KIF16B: variants seen among roughly 807,000 people sequenced by gnomAD.
KIF16B encodes the protein kinesin-like protein KIF16B.
A neutral mutation model predicts 156.3 loss-of-function variants in KIF16B; 98 were observed. The ratio of observed to expected loss-of-function variants is 0.63; its 90% CI spans 0.53 to 0.74. KIF16B has a LOEUF of 0.74. KIF16B is among the 30% of genes least tolerant of loss of function. KIF16B has a pLI of 0.00. For synonymous variants in KIF16B, 564 were observed against 583.7 expected (o/e 0.97, Z 0.49); for missense variants, 1,421 against 1,606.5 (o/e 0.88, Z 1.97).
chr20:16,434,220 T>C (rs772046943), intron 12 of KIF16B, among the ~76,000 whole-genome samples: 8 of 152,214 alleles, frequency 5.3e-5, no homozygotes, highest in Non-Finnish European at 5.9e-5. Context: ...TTAAAACACA[T>C]GCCCTTTGCT....
At position 16,326,682 on chromosome 20, in the gene KIF16B, G is replaced by A. The variant is rs548085520; in HGVS notation, c.3711+9244C>T. ...AAAATCAAAAAAATAAAAGATGTTG[G>A]CATGGATGTGGTAAAAAGGGAACAC... On this transcript the variant is annotated intron_variant, in intron 24 of 25. Coordinates refer to ENST00000354981, the MANE Select transcript of KIF16B (RefSeq NM_024704.5). 1.9e-4 allele frequency among the ~76,000 whole-genome samples: 29 copies of A among 152,078 alleles called. No homozygotes were observed. The South Asian group carries it at 6.0e-3, about 32-fold the overall frequency.
chr20:16,279,147 C>G, intron 25 of KIF16B, among the ~76,000 whole-genome samples: 1 of 152,070 alleles, frequency 6.6e-6, no homozygotes, highest in East Asian at 1.9e-4. Flanking sequence ...CAGCCCAATC[C>G]CCTTCTGAAG....
chr20:16,320,932 T>C (rs1411757069), intron 24 of KIF16B, among the ~76,000 whole-genome samples: 1 of 152,194 alleles, frequency 6.6e-6, no homozygotes, highest in Non-Finnish European at 1.5e-5. Flanking sequence ...CAATATATCA[T>C]GTGGTGAAGA....
chr20:16,504,326 G>T (rs950775871), intron 10 of KIF16B, 46 bp downstream of exon 10: 4 of 1,566,200 alleles, frequency 2.6e-6, no homozygotes, highest in East Asian at 2.2e-5. Flanking sequence ...AGAAATAGAT[G>T]CCATTACTCA....
intron 24 of KIF16B, among the ~76,000 whole-genome samples, chr20:16,317,249 T>G (rs2063711158): frequency 6.6e-6 from 1 of 152,200 alleles, no homozygotes; most frequent in Non-Finnish European, 1.5e-5. Context: ...TGAATGACAA[T>G]CTGTAGGTGG....
chr20:16,304,189 G>A (rs188701827), intron 25 of KIF16B, among the ~76,000 whole-genome samples: 1 of 152,288 alleles, frequency 6.6e-6, no homozygotes, highest in East Asian at 1.9e-4. Context: ...TATTATTCTT[G>A]AGAATAGTTG....
intron 12 of KIF16B, among the ~76,000 whole-genome samples, chr20:16,493,119 GGAGAA>G (rs2068346773): frequency 6.6e-6 from 1 of 152,144 alleles, no homozygotes; most frequent in South Asian, 2.1e-4. Flanking sequence ...ATTGTAATCA[GGAGAA>G]GAGAAAAGTC....
chr20:16,571,439 A>G (rs2071447112), intron 1 of KIF16B, among the ~76,000 whole-genome samples: 2 of 152,050 alleles, frequency 1.3e-5, no homozygotes, highest in Admixed American at 1.3e-4. Context: ...CCATCCCTCC[A>G]TGTACCTGGG....
intron 25 of KIF16B, among the ~76,000 whole-genome samples, chr20:16,310,481 T>C (rs1261669669): frequency 1.3e-5 from 2 of 152,224 alleles, no homozygotes; most frequent in Non-Finnish European, 2.9e-5. Context: ...CAATCTGTCA[T>C]GGCACAGCTG....
intron 15 of KIF16B, among the ~76,000 whole-genome samples, chr20:16,416,807 T>A (rs2066101616): frequency 6.6e-6 from 1 of 151,512 alleles, no homozygotes; most frequent in Admixed American, 6.6e-5. Context: ...GAATTTACCA[T>A]TTTTTGCCTG....
chr20:16,469,170 T>C (rs1006142501), intron 12 of KIF16B, among the ~76,000 whole-genome samples: 1 of 149,994 alleles, frequency 6.7e-6, no homozygotes, highest in Non-Finnish European at 1.5e-5. Flanking sequence ...GAGGACTGCT[T>C]GAGCCCAGGA....
intron 15 of KIF16B, among the ~76,000 whole-genome samples, chr20:16,410,299 A>ATGTG (rs35361828): frequency 2.1e-4 from 29 of 141,440 alleles, no homozygotes; most frequent in African/African-American, 6.9e-4. Context: ...CTACATATAT[A>ATGTG]TGTGTGTGTG....
chr20:16,385,778 G>A (rs2065216197), intron 17 of KIF16B, among the ~76,000 whole-genome samples: 1 of 152,156 alleles, frequency 6.6e-6, no homozygotes, highest in African/African-American at 2.4e-5. Context: ...ACTCACCAAA[G>A]CTAACAACCA....
At chr20:16,304,368 T>C (rs903111921) in intron 25 of KIF16B, among the ~76,000 whole-genome samples, 9 of 152,162 alleles carry the variant, frequency 5.9e-5, no homozygotes, top group Non-Finnish European at 1.2e-4. Context: ...GCAATTAGCC[T>C]CAGGATTGCA....
intron 4 of KIF16B, among the ~76,000 whole-genome samples, chr20:16,514,600 A>C: frequency 6.6e-6 from 1 of 150,438 alleles, no homozygotes. Context: ...AAAAAAAAAA[A>C]AAAAAACAGG....
chr20:16,435,432 C>T (rs1434364299), intron 12 of KIF16B, among the ~76,000 whole-genome samples: 1 of 152,178 alleles, frequency 6.6e-6, no homozygotes, highest in Non-Finnish European at 1.5e-5. Context: ...GGTTTTATGT[C>T]TGGATGTTTA....
intron 23 of KIF16B, among the ~76,000 whole-genome samples, chr20:16,351,398 T>A (rs117506620): frequency 6.6e-6 from 1 of 152,196 alleles, no homozygotes; most frequent in African/African-American, 2.4e-5. Context: ...ACTCTGGTCC[T>A]AACTAACTGA....
In KIF16B at chr20:16,368,507, C is replaced by T. The variant is rs115056831; in HGVS notation, c.3498+2079G>A. On this transcript the variant is annotated intron_variant, in intron 22 of 25. Coordinates refer to ENST00000354981, the MANE Select transcript of KIF16B (RefSeq NM_024704.5). The stretch of plus-strand genomic sequence containing the variant: ...CCCCTCGGGGCACACAGATTCCCCA[C>T]AAGCCTGGCTTGGCTGATCACCTTT... 4.6e-4 allele frequency: 450 copies of T among 986,224 alleles called. 3 individuals are homozygous for T. In the African/African-American group the frequency reaches 7.1e-3, roughly 16 times the overall value. 61.1% of individuals were successfully genotyped at this position (986,224 alleles called of 1,614,324 possible).
intron 3 of KIF16B, among the ~76,000 whole-genome samples, chr20:16,525,317 T>C (rs754210727): frequency 2.0e-5 from 3 of 152,166 alleles, no homozygotes; most frequent in Non-Finnish European, 2.9e-5. Context: ...CAATGTTATC[T>C]AAAGAAGCTG....
Sources: gnomAD v4.1 joint callset for allele counts (sites outside exome capture counted in the v4.1 genomes callset) on GRCh38, gnomAD v4.1.1 for gene constraint, MANE v1.5 for transcripts, NCBI Gene and HGNC (gene_info 2026-07-23, HGNC 2026-07-21) for gene names.